LYPLAL1: variants seen among roughly 807,000 people sequenced by gnomAD.
The protein encoded by LYPLAL1 is lysophospholipase-like protein 1.
A neutral mutation model predicts 19.7 loss-of-function variants in LYPLAL1; 23 were observed. The observed-to-expected ratio is 1.17, with a 90% CI of 0.84 to 1.65. The LOEUF is 1.65. Ranked by LOEUF, LYPLAL1 falls within the 40% of genes most tolerant of loss-of-function variation. The pLI is 0.00. For missense variants in LYPLAL1, 355 were observed against 279.4 expected (o/e 1.27, Z -1.93); for synonymous variants, 119 against 96.3 (o/e 1.24, Z -1.38).
At chr1:219,332,831 C>G in the LYPLAL1 span, among the ~76,000 whole-genome samples, 6 of 145,992 alleles carry the variant, frequency 4.1e-5, no homozygotes, top group Admixed American at 3.4e-4. Flanking sequence ...TGCCCCCCCC[C>G]CCCAAATTAA....
At chr1:219,289,082 T>TTTTG in the LYPLAL1 span, among the ~76,000 whole-genome samples, 2 of 150,188 alleles carry the variant, frequency 1.3e-5, no homozygotes, top group Non-Finnish European at 3.0e-5. Flanking sequence ...TGTTTTGTTT[T>TTTTG]TTTTGTTTTT....
the LYPLAL1 span, among the ~76,000 whole-genome samples, chr1:219,324,311 G>A: frequency 2.6e-5 from 4 of 152,186 alleles, no homozygotes; most frequent in Non-Finnish European, 5.9e-5. Flanking sequence ...CTCCAAAGAC[G>A]AGTGTATAGC....
the LYPLAL1 span, chr1:219,225,474 C>A: frequency 1.3e-5 from 2 of 152,146 alleles, no homozygotes; most frequent in African/African-American, 4.8e-5. Context: ...TTCATCCCCC[C>A]TCTCATCTTC....
the LYPLAL1 span, among the ~76,000 whole-genome samples, chr1:219,315,608 C>T: frequency 2.6e-5 from 4 of 152,144 alleles, 1 homozygote; most frequent in South Asian, 8.3e-4. Flanking sequence ...TTTGGTTTTC[C>T]TTGAACCCCA....
At chr1:219,278,028 T>C in the LYPLAL1 span, among the ~76,000 whole-genome samples, 2 of 152,188 alleles carry the variant, frequency 1.3e-5, no homozygotes, top group Admixed American at 1.3e-4. Context: ...CGATCACAAT[T>C]TCAAAAATTG....
the LYPLAL1 span, among the ~76,000 whole-genome samples, chr1:219,252,324 A>G: frequency 3.3e-5 from 5 of 152,106 alleles, no homozygotes; most frequent in Admixed American, 1.3e-4. Flanking sequence ...TATGTTGAAT[A>G]GAAGTGGTAG....
At chr1:219,439,980 TATATATATATAC>T in the LYPLAL1 span, among the ~76,000 whole-genome samples, 18 of 65,464 alleles carry the variant, frequency 2.7e-4, no homozygotes, top group African/African-American at 1.1e-3. Context: ...TATACATATA[TATATATATATAC>T]ACACATATAT....
At chr1:219,342,897 C>A in the LYPLAL1 span, among the ~76,000 whole-genome samples, 1 of 152,234 alleles carries the variant, frequency 6.6e-6, no homozygotes, top group African/African-American at 2.4e-5. Context: ...GTTTCGAAAT[C>A]ACACAGAGAG....
rs544182128 is a variant in LYPLAL1 at position 219,195,699 on chromosome 1, A to C, written c.361+2448A>C. Among the ~76,000 whole-genome samples, 3 of 139,730 alleles carry C rather than the reference A, an allele frequency of 2.1e-5. No homozygotes were observed. In the South Asian group the frequency reaches 6.2e-4, roughly 29 times the overall value. 91.7% of individuals were successfully genotyped at this position (139,730 alleles called of 152,430 possible). On this transcript the variant is annotated intron_variant, in intron 3 of 4. Transcript: ENST00000366928. ...CAAATCTTTTAAAAATTTTAATTTT[A>C]TTTTAAGTTCCAGGATACATGTGCA...
chr1:219,377,499 C>A, the LYPLAL1 span, among the ~76,000 whole-genome samples: 1 of 152,080 alleles, frequency 6.6e-6, no homozygotes, highest in Non-Finnish European at 1.5e-5. Flanking sequence ...TTTTATGTTA[C>A]ATTATTTATA....
chr1:219,220,422 T>C, the LYPLAL1 span, among the ~76,000 whole-genome samples: 2 of 150,768 alleles, frequency 1.3e-5, no homozygotes. Flanking sequence ...CATCTACCAT[T>C]AGGGAAAAGA....
At chr1:219,227,605 C>CT in the LYPLAL1 span, among the ~76,000 whole-genome samples, 1 of 151,972 alleles carries the variant, frequency 6.6e-6, no homozygotes, top group Non-Finnish European at 1.5e-5. Context: ...TACAACATGA[C>CT]TTTGGAAAAC....
chr1:219,244,919 A>AC, the LYPLAL1 span, among the ~76,000 whole-genome samples: 9 of 150,786 alleles, frequency 6.0e-5, no homozygotes, highest in East Asian at 2.0e-4. Flanking sequence ...TGCAAAAAAA[A>AC]AAAAAAAACA....
At chr1:219,350,222 C>T in the LYPLAL1 span, among the ~76,000 whole-genome samples, 2 of 152,032 alleles carry the variant, frequency 1.3e-5, no homozygotes, top group South Asian at 4.1e-4. Flanking sequence ...GAAGCCACAG[C>T]CTGAGATCCA....
the LYPLAL1 span, among the ~76,000 whole-genome samples, chr1:219,367,220 T>C: frequency 6.6e-6 from 1 of 152,184 alleles, no homozygotes; most frequent in Admixed American, 6.5e-5. Flanking sequence ...TAGTGGTATT[T>C]CCATTTACAA....
At chr1:219,316,706 C>G in the LYPLAL1 span, among the ~76,000 whole-genome samples, 1 of 152,090 alleles carries the variant, frequency 6.6e-6, no homozygotes, top group Admixed American at 6.5e-5. Context: ...GGAATATTAT[C>G]CAGCCTTAAA....
the LYPLAL1 span, among the ~76,000 whole-genome samples, chr1:219,413,662 C>T: frequency 6.6e-6 from 1 of 152,118 alleles, no homozygotes; most frequent in Non-Finnish European, 1.5e-5. Context: ...GTGACAGCTC[C>T]CTACCCTTTA....
chr1:219,430,082 A>G, the LYPLAL1 span, among the ~76,000 whole-genome samples: 1,062 of 152,238 alleles, frequency 7.0e-3, 11 homozygotes, highest in African/African-American at 0.024. Context: ...TCGCTTGAAC[A>G]CAGGAGTATG....
chr1:219,205,369 A>AC (rs1164725370), intron 3 of LYPLAL1, among the ~76,000 whole-genome samples: 17 of 151,076 alleles, frequency 1.1e-4, no homozygotes, highest in African/African-American at 2.9e-4. Flanking sequence ...GTCTCAAAAA[A>AC]AAAAAAAAAC....
Sources: allele counts gnomAD v4.1 joint callset (sites outside exome capture counted in the v4.1 genomes callset), GRCh38; gene constraint gnomAD v4.1.1; transcripts MANE v1.5; gene names NCBI Gene and HGNC (gene_info 2026-07-23, HGNC 2026-07-21).